PKIB: variants seen among roughly 807,000 people sequenced by gnomAD.
PKIB encodes cAMP-dependent protein kinase inhibitor beta, also known as PKI-beta.
PKIB carries 2 observed loss-of-function variants against 4.5 expected under a neutral mutation model. That is an observed-to-expected ratio of 0.44 (90% CI 0.18 to 1.39). The LOEUF is 1.39. PKIB is among the 40% of genes most tolerant of loss of function. The pLI is 0.27. For synonymous variants in PKIB, 38 were observed against 36.0 expected (o/e 1.06, Z -0.20); for missense variants, 94 against 92.6 (o/e 1.02, Z -0.06).
intron 1 of PKIB, among the ~76,000 whole-genome samples, chr6:122,627,424 T>C (rs1288551516): frequency 6.6e-6 from 1 of 152,224 alleles, no homozygotes; most frequent in Non-Finnish European, 1.5e-5. Context: ...CTGGATTTGA[T>C]CAATTGAGTG....
chr6:122,629,297 G>A lies in PKIB; in HGVS notation c.-160-3986G>A, dbSNP rs143590718. Among the ~76,000 whole-genome samples, 50 of 152,210 alleles carry A rather than the reference G, an allele frequency of 3.3e-4. No individual in the cohort carries two copies. The East Asian group carries it at 3.9e-3, about 12-fold the overall frequency. ...CATTAACAGGAAAAGTACTACAGGC[G>A]CCAACTGAAAGAGCTAATGATGACC... is the stretch of plus-strand genomic sequence containing the variant. On this transcript the variant is annotated intron_variant, in intron 1 of 4. Coordinates refer to ENST00000368452, the MANE Select transcript of PKIB (RefSeq NM_181795.3).
chr6:122,477,922 C>T (rs1331103216), exon 2 of PKIB: 1 of 152,126 alleles, frequency 6.6e-6, no homozygotes, highest in Non-Finnish European at 1.5e-5. Context: ...CCTTCAGGAC[C>T]AACCTGATAA....
intron 2 of PKIB, chr6:122,480,968 A>AAT (rs1467926921): frequency 3.3e-5 from 5 of 152,180 alleles, no homozygotes; most frequent in Admixed American, 1.3e-4. Context: ...CATAAAATGA[A>AAT]GTTAAATTGA....
rs117273337 is a variant in PKIB at position 122,572,210 on chromosome 6, A to G, written c.-247-13711A>G. 2.0e-5 allele frequency among the ~76,000 whole-genome samples: 3 copies of G among 152,342 alleles called. No individual in the cohort carries two copies. In the East Asian group the frequency reaches 5.8e-4, roughly 29 times the overall value. ...AAAAAAAGACAAAGAAGGACATTAT[A>G]TAATAACAAAATGATTAGTTCAACA... On this transcript the variant is annotated intron_variant, in intron 2 of 6. Coordinates refer to the PKIB transcript ENST00000392491.
chr6:122,622,774 G>A (rs1775291940), intron 1 of PKIB, among the ~76,000 whole-genome samples: 1 of 148,864 alleles, frequency 6.7e-6, no homozygotes, highest in African/African-American at 2.4e-5. Flanking sequence ...ACAGGCATGA[G>A]GGTTCTTAGT....
intron 3 of PKIB, among the ~76,000 whole-genome samples, chr6:122,589,405 G>A (rs1026730559): frequency 6.6e-6 from 1 of 152,092 alleles, no homozygotes; most frequent in African/African-American, 2.4e-5. Flanking sequence ...TGTGATGTGT[G>A]TGTAAAAGCA....
At chr6:122,622,997 A>AT (rs1398992529) in intron 1 of PKIB, among the ~76,000 whole-genome samples, 1 of 152,144 alleles carries the variant, frequency 6.6e-6, no homozygotes, top group Non-Finnish European at 1.5e-5. Context: ...ATGCAAAGTA[A>AT]TTTTTTATGC....
At chr6:122,502,264 A>G (rs1405334081) in intron 2 of PKIB, among the ~76,000 whole-genome samples, 2 of 151,904 alleles carry the variant, frequency 1.3e-5, no homozygotes, top group Non-Finnish European at 2.9e-5. Flanking sequence ...CATAGTTCCA[A>G]AGTTGCTTCC....
At chr6:122,570,343 T>A (rs1773324688) in intron 2 of PKIB, among the ~76,000 whole-genome samples, 1 of 152,178 alleles carries the variant, frequency 6.6e-6, no homozygotes, top group Admixed American at 6.5e-5. Flanking sequence ...GGCTGGGACG[T>A]CTGCCCACCA....
chr6:122,541,276 T>C (rs62424319), intron 2 of PKIB, among the ~76,000 whole-genome samples: 1 of 152,030 alleles, frequency 6.6e-6, no homozygotes, highest in African/African-American at 2.4e-5. Context: ...TCTTCCTAGC[T>C]TTGATGGTCT....
chr6:122,533,991 T>C (rs1261297943), intron 2 of PKIB, among the ~76,000 whole-genome samples: 2 of 151,966 alleles, frequency 1.3e-5, no homozygotes, highest in Admixed American at 1.3e-4. Context: ...TGGAAACTTC[T>C]ACCCACTTAC....
At chr6:122,472,738 A>G (rs1162283462) in intron 1 of PKIB, among the ~76,000 whole-genome samples, 1 of 152,192 alleles carries the variant, frequency 6.6e-6, no homozygotes, top group African/African-American at 2.4e-5. Context: ...TATTGTAACC[A>G]CTAAGGGACA....
chr6:122,507,561 G>A (rs1397279280), intron 2 of PKIB, among the ~76,000 whole-genome samples: 1 of 151,904 alleles, frequency 6.6e-6, no homozygotes, highest in Admixed American at 6.6e-5. Context: ...TTGTTTTCAA[G>A]CTGGTGGGCT....
At chr6:122,594,031 A>G (rs1398602810) in intron 3 of PKIB, among the ~76,000 whole-genome samples, 1 of 152,170 alleles carries the variant, frequency 6.6e-6, no homozygotes, top group Non-Finnish European at 1.5e-5. Context: ...TAATCTTCAA[A>G]TGAAGACAAT....
chr6:122,492,704 TTAAGCA>T lies in PKIB; in HGVS notation c.-248+14770_-248+14775del, dbSNP rs548136097. ...TTTTTATATTTTTCTGTAAAGTAAT[TTAAGCA>T]TAAGAGGTTATGAGTTTGCCCCAGT... On this transcript the variant is annotated intron_variant, in intron 2 of 6. Transcript: ENST00000392491. Among the ~76,000 whole-genome samples the T allele has an allele frequency of 3.0e-4, 45 of 152,162 alleles. No individual in the cohort carries two copies. In the South Asian group the frequency reaches 8.9e-3, roughly 30 times the overall value.
At chr6:122,528,144 A>G (rs1330927197) in intron 2 of PKIB, among the ~76,000 whole-genome samples, 1 of 152,120 alleles carries the variant, frequency 6.6e-6, no homozygotes, top group Non-Finnish European at 1.5e-5. Context: ...GTCTCTTATA[A>G]CAGTTTTTGA....
At chr6:122,676,989 A>AC (rs1268429407) in intron 3 of PKIB, among the ~76,000 whole-genome samples, 1 of 152,136 alleles carries the variant, frequency 6.6e-6, no homozygotes, top group East Asian at 1.9e-4. Flanking sequence ...ACATTGTTTT[A>AC]TAGATCTTGA....
Position 122,553,418 on chromosome 6 carries a change from C to A in PKIB, c.-247-32503C>A, listed in dbSNP as rs1389721988. 2.0e-5 allele frequency among the ~76,000 whole-genome samples: 3 copies of A among 148,998 alleles called. No homozygotes were observed. In the East Asian group the frequency reaches 6.0e-4, roughly 30 times the overall value. Reference sequence around the variant, plus strand: ...CCCTTAAATGCATGCAGTTTCCTCACTCTAGAAATACCTGAACTCATCACC... The same window carrying A: ...CCCTTAAATGCATGCAGTTTCCTCAATCTAGAAATACCTGAACTCATCACC... On this transcript the variant is annotated intron_variant, in intron 2 of 6. Transcript: ENST00000392491.
intron 3 of PKIB, among the ~76,000 whole-genome samples, chr6:122,678,290 G>T (rs1777764513): frequency 6.6e-6 from 1 of 152,082 alleles, no homozygotes; most frequent in Admixed American, 6.6e-5. Context: ...CCCAATTCCA[G>T]TTCTCTGTCC....
Sources: allele counts gnomAD v4.1 joint callset (sites outside exome capture counted in the v4.1 genomes callset), GRCh38; gene constraint gnomAD v4.1.1; transcripts MANE v1.5; gene names NCBI Gene and HGNC (gene_info 2026-07-23, HGNC 2026-07-21).